KRT5: variants seen among roughly 807,000 people sequenced by gnomAD.
KRT5 encodes keratin, type II cytoskeletal 5.
In KRT5, 17 loss-of-function variants were observed where a neutral mutation model predicts 44.0. The observed-to-expected ratio is 0.39, with a 90% confidence interval of 0.26 to 0.58. The LOEUF (loss-of-function observed/expected upper bound fraction) is 0.58. Ranked by LOEUF, KRT5 falls within the 20% of genes least tolerant of loss-of-function variation. The pLI is 0.61. For missense variants in KRT5, 737 were observed against 785.5 expected, an observed-to-expected ratio of 0.94 and a Z score of 0.74; for synonymous variants, 329 against 312.8, an observed-to-expected ratio of 1.05 and a Z score of -0.55.
Position 52,517,579 on chromosome 12 carries a change from A to G in KRT5, c.1092+11T>C. 1.2e-6 allele frequency: 2 copies of G among 1,613,862 alleles called. No homozygotes were observed. The highest frequency in any genetic ancestry group is 1.7e-6 in the Non-Finnish European group (2 of 1,179,888). On this transcript the variant is annotated intron_variant, in intron 5 of 8. Transcript: ENST00000252242. Reference sequence around the variant, plus strand: ...TCCCCTCACTCAGGAGACAGTCATCAGAGCACCCACCTTGGTCTGATACCA... The same window carrying G: ...TCCCCTCACTCAGGAGACAGTCATCGGAGCACCCACCTTGGTCTGATACCA...
chr12:52,514,854 T>A lies in KRT5; in HGVS notation c.*88A>T. On this transcript the variant is annotated 3_prime_UTR_variant, in exon 9 of 9. Transcript: ENST00000252242. ...GTCTAGACTACTCTCCAGAAAAGGA[T>A]AAAACATGGCTTGAGCAACTGCCTA... The A allele has an allele frequency of 8.4e-7, 1 of 1,188,200 alleles. No individual in the cohort carries two copies. The highest frequency in any genetic ancestry group is 2.3e-5 in the East Asian group (1 of 42,820). The allele number at this position is 1,188,200 out of a possible 1,614,324, so 73.6% of individuals were successfully genotyped here. A position where few individuals can be genotyped will look rare whatever the true frequency, so the allele number is the denominator to read the frequency against.
chr12:52,519,675 C>T lies in KRT5; in HGVS notation c.555+67G>A, dbSNP rs1464635430. 3 of 1,493,872 alleles carry T rather than the reference C, an allele frequency of 2.0e-6. No individual in the cohort carries two copies. In the African/African-American group the frequency reaches 4.1e-5, roughly 21 times the overall value. 92.5% of individuals were successfully genotyped at this position (1,493,872 alleles called of 1,614,324 possible). A position where few individuals can be genotyped will look rare whatever the true frequency, so the allele number is the denominator to read the frequency against. ...ATTTGCACAAAGCCAAAACATCTTC[C>T]TTCTTTCTCTCTCTTTGGCATTTAT... On this transcript the variant is annotated intron_variant, in intron 1 of 8. Coordinates refer to ENST00000252242, the MANE Select transcript of KRT5 (RefSeq NM_000424.4).
chr12:52,515,273 C>T (rs375261078), intron 8 of KRT5, 33 bp from the exon 9 acceptor site: 129 of 1,602,120 alleles, frequency 8.1e-5, no homozygotes, highest in Non-Finnish European at 1.0e-4. Flanking sequence ...TCAGTGAGAC[C>T]ATCTGCCAGG....
chr12:52,514,734 A>G lies in KRT5; in HGVS notation c.*208T>C. On this transcript the variant is annotated 3_prime_UTR_variant, in exon 9 of 9. Coordinates refer to ENST00000252242, the MANE Select transcript of KRT5 (RefSeq NM_000424.4). Reference sequence around the variant, plus strand: ...CATGCTGTGGGAAACCTGAAGGCTGATTTGAAGCAGAATATAGAACTGCGG... The same window carrying G: ...CATGCTGTGGGAAACCTGAAGGCTGGTTTGAAGCAGAATATAGAACTGCGG... 1.7e-6 allele frequency: 1 copy of G among 579,578 alleles called. No individual in the cohort carries two copies. Among genetic ancestry groups the G allele is most frequent in the Non-Finnish European group, 3.0e-6 (1 of 327,942 alleles). 35.9% of individuals were successfully genotyped at this position (579,578 alleles called of 1,614,324 possible). A position where few individuals can be genotyped will look rare whatever the true frequency, so the allele number is the denominator to read the frequency against.
intron 3 of KRT5, 39 bp downstream of exon 3, chr12:52,518,064 A>G (rs762867625): frequency 1.2e-5 from 20 of 1,612,624 alleles, no homozygotes; most frequent in Middle Eastern, 1.6e-4. Context: ...CTTAGAGAGC[A>G]TAGCTGCAGG....
At chr12:52,515,393 C>CA in intron 8 of KRT5, 153 bp from the exon 9 acceptor site, 1 of 1,141,722 alleles carries the variant, frequency 8.8e-7, no homozygotes, top group South Asian at 1.3e-5. Context: ...TAATTAAGGT[C>CA]CCTAAAAAAG....
rs781723954 is a variant in KRT5, at chr12:52,514,895, A to C, written c.*47T>G. ...CAACTGCCTAGAAGAGGCAATCTCC[A>C]TGGGCTGGGTTGCTGCACTTGGAAG... On this transcript the variant is annotated 3_prime_UTR_variant, in exon 9 of 9. Transcript: ENST00000252242. The C allele has an allele frequency of 6.5e-7, 1 of 1,539,588 alleles. No individual in the cohort carries two copies. The highest frequency in any genetic ancestry group is 9.0e-7 in the Non-Finnish European group (1 of 1,113,480).
At chr12:52,518,446 G>T (rs1353452064) in intron 2 of KRT5, 1 of 621,958 alleles carries the variant, frequency 1.6e-6, no homozygotes, top group Non-Finnish European at 3.0e-6. Flanking sequence ...CTCCCCAACT[G>T]CATTACCTAG....
chr12:52,518,307 T>G (rs936112638), intron 2 of KRT5, 144 bp from the exon 3 acceptor site: 4 of 779,272 alleles, frequency 5.1e-6, no homozygotes, highest in Non-Finnish European at 9.2e-6. Context: ...ACTGGTAGCA[T>G]GAACCTCTGG....
intron 1 of KRT5, 185 bp downstream of exon 1, chr12:52,519,557 C>T (rs1938675421): frequency 1.4e-6 from 1 of 714,612 alleles, no homozygotes; most frequent in Non-Finnish European, 2.4e-6. Flanking sequence ...AGAAATAATT[C>T]TCCCTTCCCA....
chr12:52,517,519 T>A, intron 5 of KRT5, 71 bp downstream of exon 5: 1 of 1,521,464 alleles, frequency 6.6e-7, no homozygotes, highest in Non-Finnish European at 9.1e-7. Flanking sequence ...CCATTCTTAG[T>A]GTCGTCATGG....
chr12:52,520,264 G>T lies in KRT5; in HGVS notation c.33C>A (p.Ser11Arg). MSRQSSVSFR[S>R]GGSRSFSTAS... ...CGGTGCTGAAGCTACGACTGCCCCC[G>T]CTCCGGAAGGACACACTTGACTGGC... The change falls in exon 1 of 9, where the codon AGC becomes AGA. Residue 11 changes from serine (S) to arginine (R), a missense_variant. Around this residue, in one of 5 missense-constraint regions of KRT5, gnomAD observed 326 missense variants for 333.1 expected, o/e 0.98. Coordinates refer to ENST00000252242, the MANE Select transcript of KRT5 (RefSeq NM_000424.4). 2 of 1,613,690 alleles carry T rather than the reference G, an allele frequency of 1.2e-6. No homozygotes were observed. Among genetic ancestry groups the T allele is most frequent in the South Asian group, 1.1e-5 (1 of 91,060 alleles).
chr12:52,519,890 G>C lies in KRT5; in HGVS notation c.407C>G (p.Pro136Arg), dbSNP rs1938683561. The C allele has an allele frequency of 6.2e-7, 1 of 1,613,812 alleles. No individual in the cohort carries two copies. Among genetic ancestry groups the C allele is most frequent in the South Asian group, 1.1e-5 (1 of 91,038 alleles). Residue 136 changes from proline (P) to arginine (R), a missense_variant, in exon 1 of 9, where the codon CCT becomes CGT. By Grantham distance (103) the Pro-to-Arg change is moderately radical. Around this residue, in one of 5 missense-constraint regions of KRT5, gnomAD observed 326 missense variants for 333.1 expected, o/e 0.98. Coordinates refer to ENST00000252242, the MANE Select transcript of KRT5 (RefSeq NM_000424.4). ...AGTGACCTCTTGGATACCTCCAGGA[G>C]GGCAGACAGGAAAGCCAGGGCCACC... is the stretch of plus-strand genomic sequence containing the variant. The part of the protein sequence containing the change: ...GFGGPGFPVC[P>R]PGGIQEVTVN...
chr12:52,515,653 C>T, intron 8 of KRT5, 145 bp downstream of exon 8: 1 of 750,866 alleles, frequency 1.3e-6, no homozygotes, highest in East Asian at 2.7e-5. Context: ...TCCCCTCCAC[C>T]ACCCACAACT....
intron 5 of KRT5, 49 bp downstream of exon 5, chr12:52,517,541 A>G: frequency 6.3e-7 from 1 of 1,592,278 alleles, no homozygotes; most frequent in Non-Finnish European, 8.6e-7. Flanking sequence ...CTAGAATCCT[A>G]GACATGGGTG....
Position 52,515,252 on chromosome 12 carries a change from G to A in KRT5, c.1475-12C>T, listed in dbSNP as rs1156231574. ...GCTTGTGACAACAGCTGCAGGGAAAGGAGGGAGGACTCAGTGAGACCATCT... is the reference window on the plus strand; with the variant it reads ...GCTTGTGACAACAGCTGCAGGGAAAAGAGGGAGGACTCAGTGAGACCATCT... On this transcript the variant is annotated splice_polypyrimidine_tract_variant and intron_variant, in intron 8 of 8. Coordinates refer to ENST00000252242, the MANE Select transcript of KRT5 (RefSeq NM_000424.4). The A allele has an allele frequency of 1.9e-6, 3 of 1,604,350 alleles. No homozygotes were observed. Among genetic ancestry groups the A allele is most frequent in the South Asian group, 2.2e-5 (2 of 91,072 alleles).
chr12:52,518,319 C>T, intron 2 of KRT5, 156 bp from the exon 3 acceptor site: 1 of 733,008 alleles, frequency 1.4e-6, no homozygotes, highest in East Asian at 2.6e-5. Context: ...AACCTCTGGC[C>T]AAGGTCCCTC....
chr12:52,514,991 A>T lies in KRT5; in HGVS notation c.1724T>A (p.Val575Asp). ...FGSGGGSSSS[V>D]KFVSTTSSSR... Reference sequence around the variant, plus strand: ...GGAGGAGGTGGTGGAGACAAATTTGACGCTGGAGCTGCTACCCCCGCCACT... The same window carrying T: ...GGAGGAGGTGGTGGAGACAAATTTGTCGCTGGAGCTGCTACCCCCGCCACT... Residue 575 changes from valine (V) to aspartate (D), a missense_variant, in exon 9 of 9, where the codon GTC becomes GAC. Coordinates refer to ENST00000252242, the MANE Select transcript of KRT5 (RefSeq NM_000424.4). 1.2e-6 allele frequency: 2 copies of T among 1,612,590 alleles called. No individual in the cohort carries two copies. The highest frequency in any genetic ancestry group is 1.7e-6 in the Non-Finnish European group (2 of 1,179,704).
At position 52,518,099 on chromosome 12, in the gene KRT5, G is replaced by T. The variant is rs368052476; in HGVS notation, c.831+4C>A. On this transcript the variant is annotated splice_donor_region_variant and intron_variant, in intron 3 of 8. Coordinates refer to ENST00000252242, the MANE Select transcript of KRT5 (RefSeq NM_000424.4). ...GCTGCTGGTTCTCTCCCACCCACAC[G>T]CACCTTCTTCAGCATCACAAACTCA... 1.2e-6 allele frequency: 2 copies of T among 1,613,968 alleles called. No homozygotes were observed. The highest frequency in any genetic ancestry group is 1.3e-5 in the African/African-American group (1 of 74,904).
Sources: gnomAD v4.1 joint callset for allele counts on GRCh38, gnomAD v4.1.1 for gene constraint, gnomAD v4.1.1 regional missense constraint, MANE v1.5 for transcripts, NCBI Gene and HGNC (gene_info 2026-07-23, HGNC 2026-07-21) for gene names.